The following TMEM132D variants were observed in gnomAD, a reference collection of about 807,000 sequenced individuals.
TMEM132D encodes transmembrane protein 132D, also known as mature OL transmembrane protein.
TMEM132D carries 21 observed loss-of-function variants against 62.3 expected under a neutral mutation model. The observed-to-expected ratio is 0.34, with a 90% CI of 0.24 to 0.49. The LOEUF (loss-of-function observed/expected upper bound fraction) is 0.49. Ranked by LOEUF, TMEM132D falls within the 20% of genes least tolerant of loss-of-function variation. The pLI is 0.99. For missense variants in TMEM132D, 1,346 were observed against 1,402.8 expected, an observed-to-expected ratio of 0.96 and a Z score of 0.65; for synonymous variants, 621 against 575.6, an observed-to-expected ratio of 1.08 and a Z score of -1.13.
intron 2 of TMEM132D, among the ~76,000 whole-genome samples, chr12:129,536,822 T>C (rs1213383678): frequency 6.6e-6 from 1 of 152,196 alleles, no homozygotes; most frequent in Non-Finnish European, 1.5e-5. Flanking sequence ...GTGAATGATA[T>C]GTTTCCAACT....
At chr12:129,140,698 G>T (rs1177068181) in intron 5 of TMEM132D, among the ~76,000 whole-genome samples, 1 of 152,034 alleles carries the variant, frequency 6.6e-6, no homozygotes, top group Non-Finnish European at 1.5e-5. Context: ...AATTAGACAG[G>T]CATGGTGGAA....
intron 4 of TMEM132D, among the ~76,000 whole-genome samples, chr12:129,321,448 T>C (rs1312492030): frequency 2.0e-5 from 3 of 152,220 alleles, no homozygotes; most frequent in African/African-American, 7.2e-5. Context: ...TCAGAAAGCT[T>C]CTAATATTCC....
At chr12:129,843,523 T>G (rs1873264542) in intron 1 of TMEM132D, among the ~76,000 whole-genome samples, 1 of 152,194 alleles carries the variant, frequency 6.6e-6, no homozygotes, top group African/African-American at 2.4e-5. Flanking sequence ...GACAGATTAT[T>G]TATGCAATCA....
At chr12:129,682,398 G>T (rs1162522304) in intron 2 of TMEM132D, among the ~76,000 whole-genome samples, 2 of 152,124 alleles carry the variant, frequency 1.3e-5, no homozygotes, top group Non-Finnish European at 2.9e-5. Flanking sequence ...TAGTGAAAGT[G>T]TCACGACAGG....
chr12:129,661,620 C>T (rs1201359096), intron 2 of TMEM132D, among the ~76,000 whole-genome samples: 3 of 152,176 alleles, frequency 2.0e-5, no homozygotes, highest in African/African-American at 4.8e-5. Context: ...TAGGTTACAG[C>T]GCAGCTACAC....
At chr12:129,567,983 G>T (rs155700) in intron 2 of TMEM132D, among the ~76,000 whole-genome samples, 78,912 of 152,022 alleles carry the variant, frequency 0.52, 21,016 homozygotes, top group East Asian at 0.92. Context: ...TGCCATCTGA[G>T]TAGTGAGCAG....
At chr12:129,451,044 G>A (rs1024625172) in intron 3 of TMEM132D, among the ~76,000 whole-genome samples, 4 of 152,052 alleles carry the variant, frequency 2.6e-5, no homozygotes, top group East Asian at 1.9e-4. Context: ...TTACAGGCGT[G>A]AGCCACCGCG....
chr12:129,159,956 G>C (rs1301214070), intron 5 of TMEM132D, among the ~76,000 whole-genome samples: 1 of 152,040 alleles, frequency 6.6e-6, no homozygotes, highest in Non-Finnish European at 1.5e-5. Flanking sequence ...TCTCCGTGAA[G>C]TAAGAGCTGA....
intron 5 of TMEM132D, among the ~76,000 whole-genome samples, chr12:129,163,632 C>T (rs1453881054): frequency 2.6e-5 from 4 of 152,210 alleles, no homozygotes; most frequent in African/African-American, 9.6e-5. Flanking sequence ...GGGAGGCTTC[C>T]CTCTCTGCTA....
intron 1 of TMEM132D, among the ~76,000 whole-genome samples, chr12:129,743,516 G>C (rs776105682): frequency 4.6e-5 from 7 of 152,164 alleles, no homozygotes; most frequent in South Asian, 2.1e-4. Flanking sequence ...GGCCTCCCCA[G>C]CCATGCTGAA....
intron 3 of TMEM132D, among the ~76,000 whole-genome samples, chr12:129,454,461 G>A (rs1873396188): frequency 6.6e-6 from 1 of 152,108 alleles, no homozygotes; most frequent in South Asian, 2.1e-4. Flanking sequence ...GGCTGTAACT[G>A]GCTTTAAGAA....
At position 129,561,946 on chromosome 12, in the gene TMEM132D, AG is replaced by A. The variant is rs1156802295; in HGVS notation, c.969-30742del. ...CCGTTTGAACTGAAGGAAGGTGAAA[AG>A]TTTCTGTGCAAATTAATTCAGAGCG... On this transcript the variant is annotated intron_variant, in intron 2 of 8. Transcript: ENST00000422113. Among the ~76,000 whole-genome samples the A allele has an allele frequency of 3.9e-5, 6 of 152,208 alleles. No individual in the cohort carries two copies. In the South Asian group the frequency reaches 1.2e-3, roughly 31 times the overall value.
intron 3 of TMEM132D, among the ~76,000 whole-genome samples, chr12:129,350,464 C>T (rs1380627426): frequency 6.6e-6 from 1 of 152,204 alleles, no homozygotes; most frequent in Admixed American, 6.5e-5. Flanking sequence ...GCCAACGGAA[C>T]ACAAGAGACA....
At chr12:129,435,588 C>T (rs1020304578) in intron 3 of TMEM132D, among the ~76,000 whole-genome samples, 1 of 152,128 alleles carries the variant, frequency 6.6e-6, no homozygotes, top group Non-Finnish European at 1.5e-5. Context: ...TCAGCATTTT[C>T]TGCTTGCCAC....
At chr12:129,500,412 G>A (rs150956559) in intron 3 of TMEM132D, among the ~76,000 whole-genome samples, 5 of 151,496 alleles carry the variant, frequency 3.3e-5, no homozygotes, top group East Asian at 2.0e-4. Context: ...GGCTTGAGGC[G>A]CCTCTAGCCT....
intron 3 of TMEM132D, among the ~76,000 whole-genome samples, chr12:129,438,827 C>T (rs753917101): frequency 8.6e-5 from 13 of 151,946 alleles, no homozygotes; most frequent in South Asian, 2.1e-4. Flanking sequence ...AATTAAGTGT[C>T]GAAAAGAAAT....
At chr12:129,213,208 C>T (rs976415469) in intron 4 of TMEM132D, among the ~76,000 whole-genome samples, 1 of 152,086 alleles carries the variant, frequency 6.6e-6, no homozygotes, top group Non-Finnish European at 1.5e-5. Flanking sequence ...TAAAGAAATA[C>T]CAGGCTAGGT....
intron 4 of TMEM132D, among the ~76,000 whole-genome samples, chr12:129,309,071 A>C (rs1293992122): frequency 6.6e-6 from 1 of 152,186 alleles, no homozygotes; most frequent in Non-Finnish European, 1.5e-5. Context: ...ATGTAAAGAG[A>C]ACTCTACCCT....
chr12:129,781,324 G>T (rs760354078), intron 1 of TMEM132D, among the ~76,000 whole-genome samples: 2 of 152,158 alleles, frequency 1.3e-5, no homozygotes, highest in Non-Finnish European at 2.9e-5. Flanking sequence ...GACAGGCACT[G>T]CAAAGCAGGC....
Sources: allele counts gnomAD v4.1 joint callset (sites outside exome capture counted in the v4.1 genomes callset), GRCh38; gene constraint gnomAD v4.1.1; transcripts MANE v1.5; gene names NCBI Gene and HGNC (gene_info 2026-07-23, HGNC 2026-07-21).